Variants in NYAP2 observed in about 807,000 individuals in gnomAD.
NYAP2 encodes neuronal tyrosine-phosphorylated phosphoinositide-3-kinase adapter 2.
NYAP2 carries 23 observed loss-of-function variants against 50.4 expected under a neutral mutation model. The ratio of observed to expected loss-of-function variants is 0.46; its 90% CI spans 0.33 to 0.65. The LOEUF (loss-of-function observed/expected upper bound fraction) is 0.65. NYAP2 is among the 30% of genes least tolerant of loss of function. The pLI is 0.02. For missense variants in NYAP2, 885 were observed against 861.0 expected, an observed-to-expected ratio of 1.03 and a Z score of -0.35; for synonymous variants, 394 against 365.2, an observed-to-expected ratio of 1.08 and a Z score of -0.90.
intron 6 of NYAP2, among the ~76,000 whole-genome samples, chr2:225,645,252 A>AAG (rs1553560254): frequency 2.0e-5 from 3 of 151,730 alleles, no homozygotes; most frequent in African/African-American, 7.3e-5. Flanking sequence ...AAAAAAAAAA[A>AAG]AAGAAGAAGA....
intron 3 of NYAP2, among the ~76,000 whole-genome samples, chr2:225,500,625 C>G (rs1485884107): frequency 6.6e-6 from 1 of 152,170 alleles, no homozygotes; most frequent in Non-Finnish European, 1.5e-5. Context: ...TTCATTAAAT[C>G]TTAAGACACT....
chr2:225,585,975 A>C (rs911518500), intron 5 of NYAP2, among the ~76,000 whole-genome samples: 2 of 152,228 alleles, frequency 1.3e-5, no homozygotes, highest in African/African-American at 4.8e-5. Context: ...TATAACATTT[A>C]TGACCCTGAG....
At chr2:225,494,648 G>A (rs1446745137) in intron 3 of NYAP2, among the ~76,000 whole-genome samples, 1 of 152,148 alleles carries the variant, frequency 6.6e-6, no homozygotes, top group Non-Finnish European at 1.5e-5. Flanking sequence ...CCTTCCATAC[G>A]CTTTTGCCAT....
chr2:225,582,551 G>T lies in NYAP2; in HGVS notation c.1134G>T (p.Ala378=), dbSNP rs181896828. ...CTTACATGAAACAGCCAGCCGGGGC[G>T]TCGCCCTCCACGCTGCCGTCCCACG... Residue 378 remains alanine (A), a synonymous_variant, in exon 5 of 7, where the codon GCG becomes GCT. Transcript: ENST00000636099. This position sits in a 1 kb window ranked among gnomAD's most constrained non-coding sequence, Gnocchi z 7.0. The T allele has an allele frequency of 6.3e-7, 1 of 1,583,548 alleles. No individual in the cohort carries two copies. The highest frequency in any genetic ancestry group is 8.6e-7 in the Non-Finnish European group (1 of 1,165,118).
chr2:225,449,913 G>A (rs562422029), intron 3 of NYAP2, among the ~76,000 whole-genome samples: 19 of 151,980 alleles, frequency 1.3e-4, no homozygotes, highest in African/African-American at 2.4e-4. Flanking sequence ...CACCACACCC[G>A]GCCGATAAGC....
intron 6 of NYAP2, among the ~76,000 whole-genome samples, chr2:225,636,658 G>T (rs1283900190): frequency 6.6e-6 from 1 of 152,178 alleles, no homozygotes; most frequent in South Asian, 2.1e-4. Flanking sequence ...CTTGAATCTG[G>T]ACTACCCTTG....
At chr2:225,475,767 T>C (rs1690093375) in intron 3 of NYAP2, among the ~76,000 whole-genome samples, 1 of 152,238 alleles carries the variant, frequency 6.6e-6, no homozygotes. Flanking sequence ...TATATTTTCA[T>C]AATACTGAAC....
intron 4 of NYAP2, among the ~76,000 whole-genome samples, chr2:225,566,461 A>C (rs1034271689): frequency 6.6e-6 from 1 of 152,228 alleles, no homozygotes; most frequent in South Asian, 2.1e-4. Flanking sequence ...CCCCAAGGAC[A>C]GGAGAAATGT....
the NYAP2 span, among the ~76,000 whole-genome samples, chr2:225,681,147 C>G: frequency 1.3e-5 from 2 of 152,132 alleles, no homozygotes; most frequent in African/African-American, 4.8e-5. Context: ...GATGGATGTT[C>G]CAGGTTGTTG....
At chr2:225,508,870 G>T (rs1159173332) in intron 3 of NYAP2, among the ~76,000 whole-genome samples, 1 of 152,216 alleles carries the variant, frequency 6.6e-6, no homozygotes, top group African/African-American at 2.4e-5. Flanking sequence ...CCTCAGAGGA[G>T]GTTCTCTGTT....
chr2:225,662,523 A>T, the NYAP2 span, among the ~76,000 whole-genome samples: 1 of 152,274 alleles, frequency 6.6e-6, no homozygotes, highest in Admixed American at 6.5e-5. Context: ...CTACGAACAG[A>T]CACTTTAAAG....
chr2:225,525,313 C>T (rs1227927801), intron 4 of NYAP2, among the ~76,000 whole-genome samples: 2 of 152,072 alleles, frequency 1.3e-5, no homozygotes, highest in Admixed American at 6.6e-5. Flanking sequence ...GTTCATTACA[C>T]ACTTGTATGT....
At position 225,582,762 on chromosome 2, in the gene NYAP2, C is replaced by T; in HGVS notation, c.1345C>T (p.Leu449=). 6.2e-7 allele frequency: 1 copy of T among 1,613,884 alleles called. No homozygotes were observed. The highest frequency in any genetic ancestry group is 8.5e-7 in the Non-Finnish European group (1 of 1,179,870). The change falls in exon 5 of 7, where the codon CTG becomes TTG. Residue 449 remains leucine (L), a synonymous_variant. Transcript: ENST00000636099. The surrounding 1 kb of genome is among the most constrained non-coding windows in gnomAD (Gnocchi z 7.0). ...CAGCATGGGGAGGTCCCTGACTCCC[C>T]TGAGCCTCAAAAGGCCTCCCCCTTA...
chr2:225,545,890 G>C (rs566824053), intron 4 of NYAP2, among the ~76,000 whole-genome samples: 1 of 152,114 alleles, frequency 6.6e-6, no homozygotes, highest in Non-Finnish European at 1.5e-5. Context: ...AGCCCTACTC[G>C]TGTTAGGGAG....
chr2:225,657,753 A>C (rs960000746), downstream of NYAP2, among the ~76,000 whole-genome samples: 12 of 152,200 alleles, frequency 7.9e-5, no homozygotes, highest in African/African-American at 2.9e-4. Flanking sequence ...ACTTTAGTTT[A>C]GCCCCTTGTC....
chr2:225,481,039 T>G (rs1690198301), intron 3 of NYAP2, among the ~76,000 whole-genome samples: 1 of 152,124 alleles, frequency 6.6e-6, no homozygotes, highest in African/African-American at 2.4e-5. Flanking sequence ...AGTTGACATC[T>G]CTTTGAAATT....
chr2:225,600,179 C>T (rs1432973439), intron 5 of NYAP2, among the ~76,000 whole-genome samples: 31 of 151,914 alleles, frequency 2.0e-4, no homozygotes, highest in Non-Finnish European at 1.6e-4. Context: ...TTGGTTAGGT[C>T]GAAGATGAAA....
At chr2:225,416,373 T>C (rs142250569) in intron 3 of NYAP2, among the ~76,000 whole-genome samples, 1 of 152,270 alleles carries the variant, frequency 6.6e-6, no homozygotes, top group Non-Finnish European at 1.5e-5. Flanking sequence ...TGAATTAACT[T>C]ATGCTAGGTG....
chr2:225,513,371 C>T, exon 4 of NYAP2: 1 of 1,613,796 alleles, frequency 6.2e-7, no homozygotes, highest in Non-Finnish European at 8.5e-7. Context: ...TCTTTTACAG[C>T]ATAGGTGGAG....
Sources: gnomAD v4.1 joint callset for allele counts (sites outside exome capture counted in the v4.1 genomes callset) on GRCh38, gnomAD v4.1.1 for gene constraint, Gnocchi (gnomAD v3.1) non-coding constraint, MANE v1.5 for transcripts, NCBI Gene and HGNC (gene_info 2026-07-23, HGNC 2026-07-21) for gene names.